The following PTPRK variants were observed in gnomAD, a reference collection of about 807,000 sequenced individuals.
The protein encoded by PTPRK is protein tyrosine phosphatase receptor type K, also known as receptor-type tyrosine-protein phosphatase kappa.
PTPRK carries 75 observed loss-of-function variants against 178.0 expected under a neutral mutation model. The ratio of observed to expected loss-of-function variants is 0.42; its 90% CI spans 0.35 to 0.51. The LOEUF (loss-of-function observed/expected upper bound fraction) is 0.51, where lower values mean the gene tolerates loss of function less well. Ranked by LOEUF, PTPRK falls within the 20% of genes least tolerant of loss-of-function variation. The pLI is 0.02. For missense variants in PTPRK, 1,441 were observed against 1,797.8 expected (o/e 0.80, Z 3.59); for synonymous variants, 637 against 620.6 (o/e 1.03, Z -0.39).
At position 128,190,490 on chromosome 6, in the gene PTPRK, CTTTTTTTTTTTTT is replaced by C. The variant is rs34873441; in HGVS notation, c.869-5778_869-5766del. Among the ~76,000 whole-genome samples, 11 of 96,132 alleles carry C rather than the reference CTTTTTTTTTTTTT, an allele frequency of 1.1e-4. No individual in the cohort carries two copies. In the East Asian group the frequency reaches 3.0e-3, roughly 26 times the overall value. 63.1% of individuals were successfully genotyped at this position (96,132 alleles called of 152,430 possible). ...ACCCATCAATTCAAGTGATAGATAC[CTTTTTTTTTTTTT>C]TTTTTTTTTTTTTTTGACAGAGTCT... is the stretch of plus-strand genomic sequence containing the variant. On this transcript the variant is annotated intron_variant, in intron 6 of 29. Coordinates refer to ENST00000368226, the MANE Select transcript of PTPRK (RefSeq NM_002844.4).
At chr6:128,354,756 T>A (rs1833737857) in intron 2 of PTPRK, among the ~76,000 whole-genome samples, 2 of 152,210 alleles carry the variant, frequency 1.3e-5, no homozygotes, top group South Asian at 4.1e-4. Context: ...TTACATGGAC[T>A]ATGAAGCGTA....
intron 1 of PTPRK, among the ~76,000 whole-genome samples, chr6:128,398,048 T>G (rs1334151276): frequency 1.3e-5 from 2 of 152,108 alleles, no homozygotes; most frequent in Non-Finnish European, 2.9e-5. Flanking sequence ...AACAAAGAAT[T>G]GGACAAAATC....
At chr6:128,251,557 A>C (rs1388767025) in intron 3 of PTPRK, among the ~76,000 whole-genome samples, 1 of 152,182 alleles carries the variant, frequency 6.6e-6, no homozygotes, top group Non-Finnish European at 1.5e-5. Context: ...AGGGCTCCAG[A>C]GATTCTAAAT....
At chr6:128,484,780 G>T (rs1169161046) in intron 1 of PTPRK, among the ~76,000 whole-genome samples, 1 of 152,120 alleles carries the variant, frequency 6.6e-6, no homozygotes, top group African/African-American at 2.4e-5. Context: ...TCTGCTAATA[G>T]TGTCCTTGAA....
intron 1 of PTPRK, among the ~76,000 whole-genome samples, chr6:128,481,026 T>C (rs370920077): frequency 3.9e-5 from 6 of 151,908 alleles, no homozygotes; most frequent in African/African-American, 1.5e-4. Flanking sequence ...TACCATACCC[T>C]GGACAGTCAT....
At position 128,005,098 on chromosome 6, in the gene PTPRK, T is replaced by A; in HGVS notation, c.2480A>T (p.Asn827Ile). The stretch of plus-strand genomic sequence containing the variant: ...GAAAAACTTACATCTTGGACTAAAG[T>A]TATGTTGGTCCATGAAGGTGATGGA... ...PLSITFMDQHNFSPRYENHSA... is the reference protein window; with the variant it reads ...PLSITFMDQHIFSPRYENHSA... Residue 827 changes from asparagine to isoleucine, a missense_variant, in exon 15 of 30, where the codon AAC (asparagine) becomes ATC (isoleucine). Asn to Ile is a moderately radical substitution (Grantham distance 149). Coordinates refer to ENST00000368226, the MANE Select transcript of PTPRK (RefSeq NM_002844.4). The A allele has an allele frequency of 6.2e-7, 1 of 1,608,588 alleles. No individual in the cohort carries two copies. The highest frequency in any genetic ancestry group is 1.3e-5 in the African/African-American group (1 of 74,712).
rs1274349172 is a variant in PTPRK at position 127,981,436 on chromosome 6, C to T, written c.3538-147G>A. The T allele has an allele frequency of 6.1e-6, 4 of 657,710 alleles. 1 individual carries two copies. The African/African-American group carries it at 7.3e-5, about 12-fold the overall frequency. 40.7% of individuals were successfully genotyped at this position (657,710 alleles called of 1,614,324 possible). Reference sequence around the variant, plus strand: ...TTGCTACTATGACAGGCTGATAGACCTTGTAGTTAAAGCTAATGAAGCCTG... The same window carrying T: ...TTGCTACTATGACAGGCTGATAGACTTTGTAGTTAAAGCTAATGAAGCCTG... On this transcript the variant is annotated intron_variant, in intron 24 of 29. Transcript: ENST00000368226.
intron 2 of PTPRK, among the ~76,000 whole-genome samples, chr6:128,333,348 C>T (rs1242733163): frequency 1.3e-5 from 2 of 152,090 alleles, no homozygotes; most frequent in Non-Finnish European, 2.9e-5. Flanking sequence ...AATGAATATT[C>T]TCAAAGTCAA....
At chr6:128,185,087 C>G (rs1364122600) in intron 6 of PTPRK, among the ~76,000 whole-genome samples, 2 of 152,120 alleles carry the variant, frequency 1.3e-5, no homozygotes, top group Admixed American at 6.6e-5. Context: ...CATTCACAAA[C>G]TATGCCCAAG....
chr6:128,356,847 A>T (rs1834030111), intron 2 of PTPRK, among the ~76,000 whole-genome samples: 1 of 152,232 alleles, frequency 6.6e-6, no homozygotes, highest in Non-Finnish European at 1.5e-5. Context: ...CCAGGATCAG[A>T]GTTGAAATTG....
chr6:128,052,852 T>C (rs1172412052), intron 13 of PTPRK, among the ~76,000 whole-genome samples: 1 of 152,194 alleles, frequency 6.6e-6, no homozygotes, highest in Non-Finnish European at 1.5e-5. Context: ...ACCATCTTTA[T>C]TTTGATTCTC....
chr6:128,456,245 T>C (rs745637593), intron 1 of PTPRK, among the ~76,000 whole-genome samples: 2 of 152,002 alleles, frequency 1.3e-5, no homozygotes, highest in Non-Finnish European at 2.9e-5. Flanking sequence ...ATGTGCCAGG[T>C]ACTATGAGTA....
intron 3 of PTPRK, among the ~76,000 whole-genome samples, chr6:128,293,949 C>T (rs1823828730): frequency 6.6e-6 from 1 of 152,068 alleles, no homozygotes; most frequent in Non-Finnish European, 1.5e-5. Flanking sequence ...ACGCATATGA[C>T]AGAATCTAAG....
chr6:128,042,715 T>G, intron 13 of PTPRK, among the ~76,000 whole-genome samples: 1 of 152,084 alleles, frequency 6.6e-6, no homozygotes. Flanking sequence ...ATCTGGGGAT[T>G]AGATGTAGAC....
At chr6:127,975,376 T>C (rs1420407234) in intron 27 of PTPRK, among the ~76,000 whole-genome samples, 2 of 152,200 alleles carry the variant, frequency 1.3e-5, no homozygotes, top group African/African-American at 4.8e-5. Context: ...TATGAGATGA[T>C]TGAAGTTATC....
At chr6:128,434,245 G>C (rs1230353393) in intron 1 of PTPRK, among the ~76,000 whole-genome samples, 1 of 152,106 alleles carries the variant, frequency 6.6e-6, no homozygotes, top group Non-Finnish European at 1.5e-5. Flanking sequence ...CAAATAACAT[G>C]ATCTCTGAGT....
intron 3 of PTPRK, among the ~76,000 whole-genome samples, chr6:128,316,877 C>G (rs1414323840): frequency 6.6e-6 from 1 of 151,810 alleles, no homozygotes; most frequent in Non-Finnish European, 1.5e-5. Context: ...CCACCATGCC[C>G]GGCTAATTTC....
intron 1 of PTPRK, among the ~76,000 whole-genome samples, chr6:128,459,245 G>C (rs1363565667): frequency 1.3e-5 from 2 of 151,956 alleles, no homozygotes; most frequent in Admixed American, 6.6e-5. Flanking sequence ...AATTTACCGG[G>C]CTTCTATAAT....
chr6:128,244,511 C>T (rs905143550), intron 3 of PTPRK, among the ~76,000 whole-genome samples: 3 of 152,126 alleles, frequency 2.0e-5, no homozygotes, highest in Admixed American at 6.6e-5. Flanking sequence ...TCAAGCAGGT[C>T]AACACTCCTA....
Sources: gnomAD v4.1 joint callset for allele counts (sites outside exome capture counted in the v4.1 genomes callset) on GRCh38, gnomAD v4.1.1 for gene constraint, MANE v1.5 for transcripts, NCBI Gene and HGNC (gene_info 2026-07-23, HGNC 2026-07-21) for gene names.